TAF2: variants seen among roughly 807,000 people sequenced by gnomAD.
TAF2 encodes the protein TATA-box binding protein associated factor 2.
Under a neutral mutation model 138.5 loss-of-function variants are expected in TAF2, and 61 were observed. The ratio of observed to expected loss-of-function variants is 0.44; its 90% CI spans 0.36 to 0.54. The LOEUF is 0.54. Ranked by LOEUF, TAF2 falls within the 20% of genes least tolerant of loss-of-function variation. The pLI, the probability that TAF2 is intolerant of heterozygous loss-of-function variation, is 0.00. For synonymous variants in TAF2, 475 were observed against 469.9 expected, an observed-to-expected ratio of 1.01 and a Z score of -0.14; for missense variants, 1,090 against 1,427.9, an observed-to-expected ratio of 0.76 and a Z score of 3.81.
At chr8:119,767,976 T>C (rs370387677) in intron 18 of TAF2, among the ~76,000 whole-genome samples, 1 of 152,158 alleles carries the variant, frequency 6.6e-6, no homozygotes, top group South Asian at 2.1e-4. Context: ...CTGAGCACGT[T>C]TGCATGTCCC....
intron 25 of TAF2, among the ~76,000 whole-genome samples, chr8:119,741,529 G>A (rs1819601476): frequency 6.6e-6 from 1 of 152,146 alleles, no homozygotes; most frequent in African/African-American, 2.4e-5. Flanking sequence ...CATATTTTAG[G>A]TGAATCTATT....
intron 18 of TAF2, among the ~76,000 whole-genome samples, chr8:119,764,485 G>T (rs148898838): frequency 6.6e-6 from 1 of 152,270 alleles, no homozygotes; most frequent in Non-Finnish European, 1.5e-5. Flanking sequence ...AATCATAAAT[G>T]ATGACAAGCA....
intron 10 of TAF2, among the ~76,000 whole-genome samples, chr8:119,792,149 C>CTTTTTTTTTT (rs905286521): frequency 1.8e-4 from 25 of 138,760 alleles, no homozygotes; most frequent in South Asian, 9.5e-4. Flanking sequence ...TTCTTTCTTT[C>CTTTTTTTTTT]TTTTTTTTTT....
intron 10 of TAF2, chr8:119,791,716 C>T (rs1823442392): frequency 7.7e-6 from 3 of 390,352 alleles, no homozygotes; most frequent in South Asian, 5.0e-5. Flanking sequence ...ACTGTAAATA[C>T]TTCCATTCTC....
Position 119,730,785 on chromosome 8 carries a change from AG to A in TAF2, c.*1138del, listed in dbSNP as rs1424064486. 17 of 152,250 alleles carry A rather than the reference AG, an allele frequency of 1.1e-4. No homozygotes were observed. The highest frequency in any genetic ancestry group is 3.9e-4 in the African/African-American group (16 of 41,466). The allele number at this position is 152,250 out of a possible 1,614,324, so 9.4% of individuals were successfully genotyped here. ...CAAAGACAGAATGATCAACTTAAAA[AG>A]TTATTTATTAAACAAGTTAAACACA... On this transcript the variant is annotated 3_prime_UTR_variant, in exon 26 of 26. Coordinates refer to ENST00000378164, the MANE Select transcript of TAF2 (RefSeq NM_003184.4).
chr8:119,750,844 GTAAA>G (rs1025815545), intron 22 of TAF2, among the ~76,000 whole-genome samples: 4 of 152,056 alleles, frequency 2.6e-5, no homozygotes, highest in Non-Finnish European at 5.9e-5. Flanking sequence ...AAATTATGAT[GTAAA>G]TAAACAGCAT....
Position 119,781,161 on chromosome 8 carries a change from T to A in TAF2, c.2145A>T (p.Gly715=). 6.2e-7 allele frequency: 1 copy of A among 1,614,134 alleles called. No homozygotes were observed. The highest frequency in any genetic ancestry group is 8.5e-7 in the Non-Finnish European group (1 of 1,180,028). ...IANSMVSTWT[G]PPAMKSLFTR... ...TGAAGAGTGACTTCATGGCTGGTGGTCCTGTCCATGTGCTCACCATTGAAT... is the reference window on the plus strand; with the variant it reads ...TGAAGAGTGACTTCATGGCTGGTGGACCTGTCCATGTGCTCACCATTGAAT... Residue 715 remains glycine, a synonymous_variant, in exon 17 of 26, where the codon GGA becomes GGT. Coordinates refer to ENST00000378164, the MANE Select transcript of TAF2 (RefSeq NM_003184.4).
chr8:119,734,997 C>T (rs1272949075), intron 25 of TAF2, among the ~76,000 whole-genome samples: 3 of 152,080 alleles, frequency 2.0e-5, no homozygotes, highest in South Asian at 4.1e-4. Flanking sequence ...GGAACTGGTT[C>T]GTTCATGTTT....
intron 6 of TAF2, among the ~76,000 whole-genome samples, 169 bp from the exon 7 acceptor site, chr8:119,798,015 C>T (rs1002727036): frequency 2.0e-5 from 3 of 152,070 alleles, no homozygotes; most frequent in Non-Finnish European, 2.9e-5. Context: ...TTACTGATCA[C>T]ATTTATAAAA....
At chr8:119,762,391 T>C (rs1325334902) in intron 19 of TAF2, 24 bp downstream of exon 19, 1 of 1,607,242 alleles carries the variant, frequency 6.2e-7, no homozygotes, top group Admixed American at 1.7e-5. Flanking sequence ...ACATATAACT[T>C]TAAAGTAAGG....
At position 119,756,058 on chromosome 8, in the gene TAF2, A is replaced by G; in HGVS notation, c.2826T>C (p.Ser942=). ...KNPPFTKNME[S]PLCNEALVDQ... ...CTACCAGGGCTTCATTGCATAAGGGAGACTCCATGTTCTTAGTAAATGGTG... is the reference window on the plus strand; with the variant it reads ...CTACCAGGGCTTCATTGCATAAGGGGGACTCCATGTTCTTAGTAAATGGTG... Residue 942 remains serine, a synonymous_variant, in exon 22 of 26, where the codon TCT becomes TCC. Coordinates refer to ENST00000378164, the MANE Select transcript of TAF2 (RefSeq NM_003184.4). 6.2e-7 allele frequency: 1 copy of G among 1,613,748 alleles called. No homozygotes were observed. Among genetic ancestry groups the G allele is most frequent in the Non-Finnish European group, 8.5e-7 (1 of 1,179,830 alleles).
Position 119,744,353 on chromosome 8 carries a change from G to A in TAF2, c.3149C>T (p.Thr1050Ile), listed in dbSNP as rs765407382. ...AATGAAGGCCTGGCTATCATGAACA[G>A]TATCCATATCAATCTCCTCCTCATC... ...SQDEEEIDMD[T>I]VHDSQAFISH... The change falls in exon 24 of 26, where the codon ACT becomes ATT. Residue 1050 changes from threonine to isoleucine, a missense_variant. Around this residue, in one of 3 missense-constraint regions of TAF2, gnomAD observed 580 missense variants for 719.6 expected, o/e 0.81. Coordinates refer to ENST00000378164, the MANE Select transcript of TAF2 (RefSeq NM_003184.4). 1.5e-5 allele frequency: 24 copies of A among 1,613,574 alleles called. No individual in the cohort carries two copies. The highest frequency in any genetic ancestry group is 1.3e-4 in the African/African-American group (10 of 74,896).
chr8:119,792,069 AAAT>A (rs1490937940), intron 10 of TAF2, among the ~76,000 whole-genome samples: 1 of 152,124 alleles, frequency 6.6e-6, no homozygotes, highest in Admixed American at 6.5e-5. Flanking sequence ...TCACTAGACC[AAAT>A]AATGCTATGG....
chr8:119,742,641 C>T lies in TAF2; in HGVS notation c.3230G>A (p.Arg1077Gln), dbSNP rs376084041. The stretch of plus-strand genomic sequence containing the variant: ...TAAAGCAGATCGGGAGCTAGCTGGC[C>T]GATATTTCGAGAGCCCTAAAATGCC... ...RPSTPGLSKY[R>Q]PASSRSALIP... The change falls in exon 25 of 26, where the codon CGG (arginine) becomes CAG (glutamine). Residue 1077 changes from arginine (R) to glutamine (Q), a missense_variant. By Grantham distance (43) the Arg-to-Gln change is conservative. Transcript: ENST00000378164. 35 of 1,613,180 alleles carry T rather than the reference C, an allele frequency of 2.2e-5. No individual in the cohort carries two copies. The highest frequency in any genetic ancestry group is 4.5e-5 in the East Asian group (2 of 44,818).
intron 23 of TAF2, among the ~76,000 whole-genome samples, chr8:119,746,324 G>C (rs1563821968): frequency 7.4e-6 from 1 of 135,346 alleles, no homozygotes; most frequent in African/African-American, 2.7e-5. Context: ...AGTGAGCTGA[G>C]AGTGAGTCAT....
chr8:119,769,390 T>G (rs1350326229), intron 18 of TAF2, among the ~76,000 whole-genome samples: 1 of 152,002 alleles, frequency 6.6e-6, no homozygotes, highest in Non-Finnish European at 1.5e-5. Flanking sequence ...TGAGCACAAC[T>G]CCAGCAACAC....
In TAF2 at chr8:119,771,072, TA is replaced by T. The variant is rs899156242; in HGVS notation, c.2364+6946del. 4.0e-5 allele frequency among the ~76,000 whole-genome samples: 6 copies of T among 150,610 alleles called. No individual in the cohort carries two copies. In the South Asian group the frequency reaches 6.3e-4, roughly 16 times the overall value. On this transcript the variant is annotated intron_variant, in intron 18 of 25. Transcript: ENST00000378164. ...GGCGACAGAGCGAGACTCCGTCTCT[TA>T]AAAAAAAAGATATAGAATGGCATGT... is the stretch of plus-strand genomic sequence containing the variant.
intron 2 of TAF2, among the ~76,000 whole-genome samples, chr8:119,820,459 T>C (rs1362725349): frequency 6.6e-6 from 1 of 152,120 alleles, no homozygotes; most frequent in Admixed American, 6.6e-5. Flanking sequence ...CTAATCCTAA[T>C]ACCAACTCTA....
At chr8:119,786,887 C>T (rs1200894227) in intron 14 of TAF2, among the ~76,000 whole-genome samples, 1 of 152,178 alleles carries the variant, frequency 6.6e-6, no homozygotes, top group African/African-American at 2.4e-5. Flanking sequence ...CGCCACTGCA[C>T]TCCAGACTGG....
Sources: gnomAD v4.1 joint callset for allele counts (sites outside exome capture counted in the v4.1 genomes callset) on GRCh38, gnomAD v4.1.1 for gene constraint, gnomAD v4.1.1 regional missense constraint, MANE v1.5 for transcripts, NCBI Gene and HGNC (gene_info 2026-07-23, HGNC 2026-07-21) for gene names.